Variants in GDPGP1 observed in about 807,000 individuals in gnomAD.
The protein encoded by GDPGP1 is GDP-D-glucose phosphorylase C15orf58.
GDPGP1 carries 18 observed loss-of-function variants against 19.2 expected under a neutral mutation model. The observed-to-expected ratio is 0.94, with a 90% CI of 0.65 to 1.39. GDPGP1 has a LOEUF of 1.39. Ranked by LOEUF, GDPGP1 falls within the 40% of genes most tolerant of loss-of-function variation. GDPGP1 has a pLI of 0.00. For missense variants in GDPGP1, 449 were observed against 490.5 expected, an observed-to-expected ratio of 0.92 and a Z score of 0.80; for synonymous variants, 219 against 208.9, an observed-to-expected ratio of 1.05 and a Z score of -0.42.
chr15:90,241,085 T>G lies in GDPGP1; in HGVS notation c.177T>G (p.Phe59Leu). ...CAGATGCTCTGCCACAATCTCCCTT[T>G]GATGCTGCACTCTGCTCTGCCTGGA... ...GIPDALPQSP[F>L]DAALCSAWKQ... Residue 59 changes from phenylalanine (F) to leucine (L), a missense_variant, in exon 4 of 4, where the codon TTT becomes TTG. Phe to Leu is a conservative substitution (Grantham distance 22). Coordinates refer to ENST00000329600, the MANE Select transcript of GDPGP1 (RefSeq NM_001013657.3). 1 of 1,614,158 alleles carries G rather than the reference T, an allele frequency of 6.2e-7. No individual in the cohort carries two copies. The highest frequency in any genetic ancestry group is 8.5e-7 in the Non-Finnish European group (1 of 1,180,028).
At chr15:90,239,594 A>G (rs1962707347) in intron 3 of GDPGP1, among the ~76,000 whole-genome samples, 1 of 152,180 alleles carries the variant, frequency 6.6e-6, no homozygotes, top group African/African-American at 2.4e-5. Flanking sequence ...AACAGCATGG[A>G]GGTGACCGCC....
chr15:90,234,727 A>G (rs1406477164), intron 2 of GDPGP1, 131 bp downstream of exon 2: 1 of 152,238 alleles, frequency 6.6e-6, no homozygotes, highest in Non-Finnish European at 1.5e-5. Flanking sequence ...TGCTGTTCTC[A>G]TCATTCCAGC....
intron 3 of GDPGP1, among the ~76,000 whole-genome samples, chr15:90,239,991 AGGTG>A (rs1357005397): frequency 6.6e-6 from 1 of 152,042 alleles, no homozygotes; most frequent in African/African-American, 2.4e-5. Flanking sequence ...TGGGAAGCCG[AGGTG>A]GGTGGATCAC....
chr15:90,238,490 A>G lies in GDPGP1; in HGVS notation c.-66-2A>G, dbSNP rs1303398897. The G allele has an allele frequency of 6.6e-6, 1 of 152,176 alleles. No individual in the cohort carries two copies. The highest frequency in any genetic ancestry group is 1.5e-5 in the Non-Finnish European group (1 of 68,038). The allele number at this position is 152,176 out of a possible 1,614,324, so 9.4% of individuals were successfully genotyped here. A position where few individuals can be genotyped will look rare whatever the true frequency, so the allele number is the denominator to read the frequency against. ...TTTCCTTTCTGTTTTATTAACATGA[A>G]GTTTCTGGAGCAGCAGAGCTGAAGG... On this transcript the variant is annotated splice_acceptor_variant, in intron 2 of 3. Transcript: ENST00000329600. LOFTEE classifies it low-confidence loss of function (5UTR_SPLICE).
Position 90,242,907 on chromosome 15 carries a change from T to A in GDPGP1, c.*841T>A, listed in dbSNP as rs1268111325. ...CTCTTAAAGGGGAGAAAGATAATGG[T>A]CTCTTTAAAGGGGAGCTGATAGTGG... On this transcript the variant is annotated 3_prime_UTR_variant, in exon 4 of 4. Coordinates refer to ENST00000329600, the MANE Select transcript of GDPGP1 (RefSeq NM_001013657.3). 6.6e-6 allele frequency: 1 copy of A among 152,132 alleles called. No homozygotes were observed. The highest frequency in any genetic ancestry group is 1.5e-5 in the Non-Finnish European group (1 of 68,034). 9.4% of individuals were successfully genotyped at this position (152,132 alleles called of 1,614,324 possible). A position where few individuals can be genotyped will look rare whatever the true frequency, so the allele number is the denominator to read the frequency against.
At position 90,245,407 on chromosome 15, in the gene GDPGP1, A is replaced by C. The variant is rs1962841832; in HGVS notation, c.*3341A>C. On this transcript the variant is annotated 3_prime_UTR_variant, in exon 4 of 4. Coordinates refer to ENST00000329600, the MANE Select transcript of GDPGP1 (RefSeq NM_001013657.3). ...AGAATCGCTTGGACCTGGGAGGCGG[A>C]GGTGGCAGTGAGCCGAGATCGCGCC... 1 of 145,722 alleles carries C rather than the reference A, an allele frequency of 6.9e-6. No individual in the cohort carries two copies. Among genetic ancestry groups the C allele is most frequent in the South Asian group, 2.2e-4 (1 of 4,446 alleles). 9.0% of individuals were successfully genotyped at this position (145,722 alleles called of 1,614,324 possible).
intron 2 of GDPGP1, among the ~76,000 whole-genome samples, chr15:90,235,549 G>A (rs3935948): frequency 6.6e-6 from 1 of 151,836 alleles, no homozygotes; most frequent in South Asian, 2.1e-4. Flanking sequence ...CTAGGGTATA[G>A]GCCCATCCCA....
At chr15:90,240,789 G>A in intron 3 of GDPGP1, 111 bp from the exon 4 acceptor site, 1 of 690,636 alleles carries the variant, frequency 1.4e-6, no homozygotes, top group Non-Finnish European at 2.4e-6. Context: ...ACTCCAGCCT[G>A]GGTGACAGAG....
rs754897853 is a variant in GDPGP1 at position 90,241,596 on chromosome 15, G to A, written c.688G>A (p.Val230Met). 2.2e-5 allele frequency: 36 copies of A among 1,613,570 alleles called. No individual in the cohort carries two copies. Among genetic ancestry groups the A allele is most frequent in the East Asian group, 1.1e-4 (5 of 44,888 alleles). Residue 230 changes from valine (V) to methionine (M), a missense_variant, in exon 4 of 4, where the codon GTG (valine) becomes ATG (methionine). By Grantham distance (21) the Val-to-Met change is conservative (BLOSUM62 1). Transcript: ENST00000329600. ...CTATTACCTGGCCCACAGACTGCCC[G>A]TGGAGCAGGCGCCAAGCGAGCCCCT... ...HGYYLAHRLPVEQAPSEPLDP... is the reference protein window; with the variant it reads ...HGYYLAHRLPMEQAPSEPLDP...
At position 90,244,281 on chromosome 15, in the gene GDPGP1, T is replaced by C. The variant is rs2151641723; in HGVS notation, c.*2215T>C. 6.6e-6 allele frequency: 1 copy of C among 152,308 alleles called. No individual in the cohort carries two copies. Among genetic ancestry groups the C allele is most frequent in the South Asian group, 2.1e-4 (1 of 4,826 alleles). 9.4% of individuals were successfully genotyped at this position (152,308 alleles called of 1,614,324 possible). The stretch of plus-strand genomic sequence containing the variant: ...CCTCAGCCATCCCTCTTGGGGTCTT[T>C]CCCAAGCACTTTAGAAGCTCCTCTT... On this transcript the variant is annotated 3_prime_UTR_variant, in exon 4 of 4. Coordinates refer to ENST00000329600, the MANE Select transcript of GDPGP1 (RefSeq NM_001013657.3).
chr15:90,242,214 A>T lies in GDPGP1; in HGVS notation c.*148A>T. On this transcript the variant is annotated 3_prime_UTR_variant, in exon 4 of 4. Transcript: ENST00000329600. Reference sequence around the variant, plus strand: ...GTGATCCTCCCACCTCAGCCTCTTGAGTAGCTGAGACTATAGGCGTGCACC... The same window carrying T: ...GTGATCCTCCCACCTCAGCCTCTTGTGTAGCTGAGACTATAGGCGTGCACC... The T allele has an allele frequency of 3.1e-5, 13 of 422,080 alleles. No individual in the cohort carries two copies. The highest frequency in any genetic ancestry group is 5.3e-5 in the East Asian group (1 of 18,914). The allele number at this position is 422,080 out of a possible 1,614,324, so 26.1% of individuals were successfully genotyped here.
intron 2 of GDPGP1, among the ~76,000 whole-genome samples, chr15:90,236,438 A>T (rs1278730605): frequency 6.6e-6 from 1 of 152,240 alleles, no homozygotes; most frequent in Non-Finnish European, 1.5e-5. Context: ...TGAACCCTTC[A>T]TGGAACAACC....
chr15:90,242,482 A>C lies in GDPGP1; in HGVS notation c.*416A>C, dbSNP rs1482682662. On this transcript the variant is annotated 3_prime_UTR_variant, in exon 4 of 4. Coordinates refer to ENST00000329600, the MANE Select transcript of GDPGP1 (RefSeq NM_001013657.3). ...TTTTTTGAGATAGTCTCGCTCTGTC[A>C]CCTAGGTTGGGGTGCACTGGTACAA... 4 of 112,892 alleles carry C rather than the reference A, an allele frequency of 3.5e-5. No individual in the cohort carries two copies. Among genetic ancestry groups the C allele is most frequent in the African/African-American group, 7.0e-5 (2 of 28,408 alleles). 7.0% of individuals were successfully genotyped at this position (112,892 alleles called of 1,614,324 possible).
chr15:90,242,166 T>A lies in GDPGP1; in HGVS notation c.*100T>A. The A allele has an allele frequency of 1.0e-6, 1 of 981,542 alleles. No individual in the cohort carries two copies. The highest frequency in any genetic ancestry group is 1.5e-6 in the Non-Finnish European group (1 of 681,542). 60.8% of individuals were successfully genotyped at this position (981,542 alleles called of 1,614,324 possible). A position where few individuals can be genotyped will look rare whatever the true frequency, so the allele number is the denominator to read the frequency against. The stretch of plus-strand genomic sequence containing the variant: ...GTAGTGGTATGATCCTGGCTCACTG[T>A]AGCCTCCACCTCTGGGGCTGAAGTG... On this transcript the variant is annotated 3_prime_UTR_variant, in exon 4 of 4. Coordinates refer to ENST00000329600, the MANE Select transcript of GDPGP1 (RefSeq NM_001013657.3).
Position 90,242,927 on chromosome 15 carries a change from T to C in GDPGP1, c.*861T>C, listed in dbSNP as rs964148492. 15 of 152,230 alleles carry C rather than the reference T, an allele frequency of 9.9e-5. No individual in the cohort carries two copies. Among genetic ancestry groups the C allele is most frequent in the African/African-American group, 3.1e-4 (13 of 41,450 alleles). The allele number at this position is 152,230 out of a possible 1,614,324, so 9.4% of individuals were successfully genotyped here. ...AATGGTCTCTTTAAAGGGGAGCTGATAGTGGTCTCTTTAAAGGGGAGAAAA... is the reference window on the plus strand; with the variant it reads ...AATGGTCTCTTTAAAGGGGAGCTGACAGTGGTCTCTTTAAAGGGGAGAAAA... On this transcript the variant is annotated 3_prime_UTR_variant, in exon 4 of 4. Coordinates refer to ENST00000329600, the MANE Select transcript of GDPGP1 (RefSeq NM_001013657.3).
At chr15:90,235,646 C>A (rs935199283) in intron 2 of GDPGP1, among the ~76,000 whole-genome samples, 1 of 151,962 alleles carries the variant, frequency 6.6e-6, no homozygotes, top group Non-Finnish European at 1.5e-5. Context: ...TGGCTCACTG[C>A]AAGCTCCGCC....
At position 90,235,181 on chromosome 15, in the gene GDPGP1, T is replaced by A. The variant is rs576714568; in HGVS notation, c.-67+585T>A. Among the ~76,000 whole-genome samples the A allele has an allele frequency of 9.6e-3, 1,467 of 152,296 alleles. 28 individuals are homozygous for A. The highest frequency in any genetic ancestry group is 0.034 in the African/African-American group (1,396 of 41,540). Reference sequence around the variant, plus strand: ...CCTGACTCCCTAGACTGCCTAGGAATCTACTTTACACTGGAAGAATACCCA... The same window carrying A: ...CCTGACTCCCTAGACTGCCTAGGAAACTACTTTACACTGGAAGAATACCCA... On this transcript the variant is annotated intron_variant, in intron 2 of 3. Coordinates refer to ENST00000329600, the MANE Select transcript of GDPGP1 (RefSeq NM_001013657.3).
At chr15:90,235,868 G>C (rs1057125299) in intron 2 of GDPGP1, among the ~76,000 whole-genome samples, 15 of 151,768 alleles carry the variant, frequency 9.9e-5, no homozygotes, top group African/African-American at 3.4e-4. Flanking sequence ...GTGCCCGGCC[G>C]ATCATTTTTC....
At chr15:90,237,396 C>T (rs1335029911) in intron 2 of GDPGP1, among the ~76,000 whole-genome samples, 1 of 150,622 alleles carries the variant, frequency 6.6e-6, no homozygotes, top group Non-Finnish European at 1.5e-5. Context: ...ATTCTCCTGC[C>T]TCAGCCTCCC....
Sources: gnomAD v4.1 joint callset for allele counts (sites outside exome capture counted in the v4.1 genomes callset) on GRCh38, gnomAD v4.1.1 for gene constraint, MANE v1.5 for transcripts, NCBI Gene and HGNC (gene_info 2026-07-23, HGNC 2026-07-21) for gene names.